Variants in ARHGAP42 observed in about 807,000 individuals in gnomAD.
ARHGAP42 encodes rho GTPase-activating protein 42.
Under a neutral mutation model 125.0 loss-of-function variants are expected in ARHGAP42, and 63 were observed. The observed-to-expected ratio is 0.50, with a 90% CI of 0.41 to 0.62. The LOEUF is 0.62. ARHGAP42 is among the 20% of genes least tolerant of loss of function. The pLI, the probability that ARHGAP42 is intolerant of heterozygous loss-of-function variation, is 0.00. For synonymous variants in ARHGAP42, 339 were observed against 351.0 expected (o/e 0.97, Z 0.38); for missense variants, 766 against 1,024.2 (o/e 0.75, Z 3.44).
At chr11:100,821,610 CAA>C (rs555591908) in intron 3 of ARHGAP42, among the ~76,000 whole-genome samples, 13 of 104,904 alleles carry the variant, frequency 1.2e-4, no homozygotes, top group Admixed American at 3.0e-4. Flanking sequence ...ACTCCCACCA[CAA>C]AAAAAAAAAA....
intron 2 of ARHGAP42, among the ~76,000 whole-genome samples, chr11:100,787,082 C>T (rs543419261): frequency 1.5e-4 from 23 of 151,772 alleles, no homozygotes; most frequent in South Asian, 1.5e-3. Flanking sequence ...TCGAGACCAT[C>T]CTGACTAACA....
At chr11:100,921,201 TAATATATATATACA>T (rs1466206920) in intron 5 of ARHGAP42, among the ~76,000 whole-genome samples, 50 of 61,190 alleles carry the variant, frequency 8.2e-4, no homozygotes, top group African/African-American at 3.0e-3. Flanking sequence ...ACCCCTCTTG[TAATATATATATACA>T]TATATATATA....
At chr11:100,866,360 T>G (rs979872931) in intron 4 of ARHGAP42, among the ~76,000 whole-genome samples, 1 of 152,190 alleles carries the variant, frequency 6.6e-6, no homozygotes, top group Non-Finnish European at 1.5e-5. Context: ...TCATAAACGT[T>G]GTCAATGGCT....
At position 100,943,741 on chromosome 11, in the gene ARHGAP42, G is replaced by T. The variant is rs1213414443; in HGVS notation, c.934-18G>T. On this transcript the variant is annotated intron_variant, in intron 9 of 23. Transcript: ENST00000298815. ...CACTTGTCAGCATGTTAATACTGTG[G>T]TACTCTTCTTGTTTCAGAATGGCCT... 1.6e-5 allele frequency: 24 copies of T among 1,472,796 alleles called. No homozygotes were observed. The East Asian group carries it at 6.0e-4, about 37-fold the overall frequency. 91.2% of individuals were successfully genotyped at this position (1,472,796 alleles called of 1,614,324 possible). A position where few individuals can be genotyped will look rare whatever the true frequency, so the allele number is the denominator to read the frequency against.
intron 3 of ARHGAP42, among the ~76,000 whole-genome samples, chr11:100,801,822 C>T (rs1179487528): frequency 1.3e-5 from 2 of 152,196 alleles, no homozygotes; most frequent in African/African-American, 4.8e-5. Flanking sequence ...CATCATGTGG[C>T]TAGGCAGAGA....
chr11:100,770,539 TTTG>T (rs1862948774), intron 2 of ARHGAP42, 101 bp downstream of exon 2: 5 of 925,734 alleles, frequency 5.4e-6, no homozygotes, highest in Non-Finnish European at 7.8e-6. Context: ...ATTTTCTGAC[TTTG>T]ACAATACTAT....
At chr11:100,717,374 A>G (rs1212614010) in intron 1 of ARHGAP42, among the ~76,000 whole-genome samples, 2 of 152,218 alleles carry the variant, frequency 1.3e-5, no homozygotes, top group Non-Finnish European at 2.9e-5. Flanking sequence ...GCGGTGGCTC[A>G]TGCCTGTAAT....
chr11:100,967,600 T>C (rs1858127400), intron 17 of ARHGAP42, among the ~76,000 whole-genome samples: 1 of 152,184 alleles, frequency 6.6e-6, no homozygotes, highest in African/African-American at 2.4e-5. Context: ...ACAAAACTCT[T>C]GGTTCTCTGT....
intron 1 of ARHGAP42, among the ~76,000 whole-genome samples, chr11:100,760,113 G>T (rs539756405): frequency 6.6e-6 from 1 of 152,136 alleles, no homozygotes; most frequent in South Asian, 2.1e-4. Context: ...ACCAGATCTT[G>T]GTATCTTAAT....
At chr11:100,795,313 G>C (rs2135033177) in intron 3 of ARHGAP42, 147 bp downstream of exon 3, 2 of 546,540 alleles carry the variant, frequency 3.7e-6, no homozygotes, top group Non-Finnish European at 6.1e-6. Flanking sequence ...GAAAAGATTT[G>C]TGACTATAAT....
At chr11:100,988,383 G>A (rs1041304488) in intron 23 of ARHGAP42, among the ~76,000 whole-genome samples, 1 of 151,698 alleles carries the variant, frequency 6.6e-6, no homozygotes, top group Non-Finnish European at 1.5e-5. Context: ...AAAAAGGTTG[G>A]AAAATAAATA....
At chr11:100,903,857 G>A (rs537662685) in intron 4 of ARHGAP42, among the ~76,000 whole-genome samples, 1 of 151,004 alleles carries the variant, frequency 6.6e-6, no homozygotes, top group East Asian at 2.0e-4. Flanking sequence ...CCTGAGTCCC[G>A]AAACTGAAGA....
intron 2 of ARHGAP42, among the ~76,000 whole-genome samples, chr11:100,778,563 G>GT (rs532071559): frequency 2.6e-4 from 38 of 147,694 alleles, no homozygotes; most frequent in East Asian, 4.0e-4. Flanking sequence ...TTGTTTTCCT[G>GT]TTTTTTTTTT....
chr11:100,797,811 A>G (rs1343168150), intron 3 of ARHGAP42, among the ~76,000 whole-genome samples: 1 of 152,220 alleles, frequency 6.6e-6, no homozygotes, highest in Non-Finnish European at 1.5e-5. Flanking sequence ...TATAGCTGCC[A>G]TAGATTTTGA....
At chr11:100,889,246 C>G (rs999526869) in intron 4 of ARHGAP42, among the ~76,000 whole-genome samples, 8 of 152,196 alleles carry the variant, frequency 5.3e-5, no homozygotes, top group Non-Finnish European at 1.2e-4. Flanking sequence ...CCCAAATTCT[C>G]AATCTCCAAT....
chr11:100,918,584 C>T (rs1051650697), intron 5 of ARHGAP42, among the ~76,000 whole-genome samples: 9 of 152,110 alleles, frequency 5.9e-5, no homozygotes, highest in African/African-American at 9.7e-5. Flanking sequence ...GTACCAGTTG[C>T]TAGTGGATTT....
At chr11:100,772,748 G>A (rs1456082962) in intron 2 of ARHGAP42, among the ~76,000 whole-genome samples, 1 of 152,170 alleles carries the variant, frequency 6.6e-6, no homozygotes, top group African/African-American at 2.4e-5. Context: ...CCAGGTAAAA[G>A]CCTAGATTAT....
intron 4 of ARHGAP42, among the ~76,000 whole-genome samples, chr11:100,865,498 A>G (rs1000204626): frequency 2.0e-5 from 3 of 152,228 alleles, no homozygotes; most frequent in Non-Finnish European, 4.4e-5. Flanking sequence ...TTGAGAAAAC[A>G]ATCCCCTTTA....
chr11:100,889,432 GGT>G (rs1409670681), intron 4 of ARHGAP42, among the ~76,000 whole-genome samples: 1 of 152,138 alleles, frequency 6.6e-6, no homozygotes, highest in African/African-American at 2.4e-5. Context: ...GCAGCATCAA[GGT>G]GCCACCTTGA....
Sources: allele counts gnomAD v4.1 joint callset (sites outside exome capture counted in the v4.1 genomes callset), GRCh38; gene constraint gnomAD v4.1.1; transcripts MANE v1.5; gene names NCBI Gene and HGNC (gene_info 2026-07-23, HGNC 2026-07-21).